The following ANK2 variants were observed in gnomAD, a reference collection of about 807,000 sequenced individuals.
ANK2 encodes ankyrin-2.
Under a neutral mutation model 360.5 loss-of-function variants are expected in ANK2, and 83 were observed. That is an observed-to-expected ratio of 0.23 (90% confidence interval 0.19 to 0.28). The LOEUF (loss-of-function observed/expected upper bound fraction) is 0.28, where lower values mean the gene tolerates loss of function less well. Ranked by LOEUF, ANK2 falls within the 10% of genes least tolerant of loss-of-function variation. ANK2 has a pLI of 1.00. For missense variants in ANK2, 4,201 were observed against 4,795.7 expected (o/e 0.88, Z 3.66); for synonymous variants, 1,740 against 1,759.5 (o/e 0.99, Z 0.28).
chr4:113,030,218 A>G (rs1379858095), intron 2 of ANK2, among the ~76,000 whole-genome samples: 2 of 152,092 alleles, frequency 1.3e-5, no homozygotes, highest in African/African-American at 2.4e-5. Flanking sequence ...ACCAAATAAT[A>G]TATTAGGGAA....
intron 1 of ANK2, among the ~76,000 whole-genome samples, chr4:112,857,601 G>C (rs955636825): frequency 3.3e-5 from 5 of 152,086 alleles, no homozygotes; most frequent in East Asian, 1.9e-4. Flanking sequence ...ATTCTACAAG[G>C]CTCTAGTCAG....
Position 113,354,151 on chromosome 4 carries a change from G to C in ANK2, c.5533G>C (p.Val1845Leu). Reference protein sequence around the residue: ...SSAKTERHPPVSPSSKTEKHS... With the variant: ...SSAKTERHPPLSPSSKTEKHS... The stretch of plus-strand genomic sequence containing the variant: ...CGCAAAAACTGAAAGGCACCCTCCA[G>C]TATCACCATCAAGTAAAACTGAGAA... Residue 1845 changes from valine (V) to leucine (L), a missense_variant, in exon 38 of 46, where the codon GTA becomes CTA. Val to Leu is a conservative substitution (Grantham distance 32). Coordinates refer to ENST00000357077, the MANE Select transcript of ANK2 (RefSeq NM_001148.6). 6.2e-7 allele frequency: 1 copy of C among 1,614,088 alleles called. No individual in the cohort carries two copies. Among genetic ancestry groups the C allele is most frequent in the Non-Finnish European group, 8.5e-7 (1 of 1,179,994 alleles).
intron 1 of ANK2, among the ~76,000 whole-genome samples, chr4:112,886,574 A>C (rs1219830782): frequency 6.6e-6 from 1 of 152,158 alleles, no homozygotes; most frequent in Non-Finnish European, 1.5e-5. Context: ...AGGCAGGAGA[A>C]TCGCTTGAAC....
At chr4:112,878,132 A>T (rs956068212) in intron 1 of ANK2, among the ~76,000 whole-genome samples, 8 of 139,104 alleles carry the variant, frequency 5.8e-5, no homozygotes, top group Non-Finnish European at 1.2e-4. Context: ...CTCTATCTCT[A>T]GCTTTTCCCC....
chr4:112,948,252 T>C (rs1033991432), intron 2 of ANK2, among the ~76,000 whole-genome samples: 11 of 152,152 alleles, frequency 7.2e-5, no homozygotes, highest in Admixed American at 6.5e-4. Context: ...GCCTTGCCTA[T>C]TTACAAAAAA....
intron 4 of ANK2, among the ~76,000 whole-genome samples, chr4:113,221,600 A>G (rs1234254737): frequency 6.6e-6 from 1 of 151,918 alleles, no homozygotes; most frequent in Non-Finnish European, 1.5e-5. Context: ...CGGAGGTTCC[A>G]GTGAGCCGAG....
chr4:113,117,906 G>A (rs1296896137), intron 1 of ANK2, among the ~76,000 whole-genome samples: 1 of 151,990 alleles, frequency 6.6e-6, no homozygotes, highest in African/African-American at 2.4e-5. Context: ...TTCCCTCCTG[G>A]AGGTTTACAC....
intron 1 of ANK2, among the ~76,000 whole-genome samples, chr4:113,078,813 C>G (rs1219891922): frequency 6.6e-6 from 1 of 152,168 alleles, no homozygotes; most frequent in Non-Finnish European, 1.5e-5. Context: ...CTTAGGAAAA[C>G]CAACTGCCAG....
chr4:112,838,542 C>T (rs1233012433), intron 1 of ANK2, among the ~76,000 whole-genome samples: 2 of 152,302 alleles, frequency 1.3e-5, no homozygotes, highest in East Asian at 3.9e-4. Context: ...CCTACCTCAT[C>T]CTTGGTTTCC....
intron 1 of ANK2, among the ~76,000 whole-genome samples, chr4:113,063,159 TTTGAGCCAA>T (rs201719547): frequency 0.014 from 2,058 of 152,176 alleles, 27 homozygotes; most frequent in Middle Eastern, 0.02. Flanking sequence ...AGTGTGTGTA[TTTGAGCCAA>T]ATATTCTCTT....
chr4:112,771,266 C>T, the ANK2 span, among the ~76,000 whole-genome samples: 1 of 152,146 alleles, frequency 6.6e-6, no homozygotes, highest in African/African-American at 2.4e-5. Flanking sequence ...GCATGCGCCA[C>T]CACGCTTGGC....
Position 113,165,069 on chromosome 4 carries a change from C to T in ANK2, c.85-9347C>T, listed in dbSNP as rs151172147. Among the ~76,000 whole-genome samples the T allele has an allele frequency of 9.5e-4, 144 of 152,140 alleles. 2 individuals are homozygous for T. In the East Asian group the frequency reaches 0.023, roughly 24 times the overall value. ...GGAAATTCCTTTGGATATTTGTGTA[C>T]AATATGTAAAAACTCTGTCAGCTTT... On this transcript the variant is annotated intron_variant, in intron 1 of 45. Transcript: ENST00000357077.
At chr4:112,707,715 A>G in the ANK2 span, among the ~76,000 whole-genome samples, 1 of 152,242 alleles carries the variant, frequency 6.6e-6, no homozygotes, top group Non-Finnish European at 1.5e-5. Context: ...ATTTATTAAT[A>G]AACAGAATAT....
At chr4:112,715,879 C>T in the ANK2 span, among the ~76,000 whole-genome samples, 4 of 152,080 alleles carry the variant, frequency 2.6e-5, no homozygotes, top group South Asian at 2.1e-4. Flanking sequence ...GCCGAGATTG[C>T]GCCACTGCAC....
At chr4:112,753,573 G>A in the ANK2 span, among the ~76,000 whole-genome samples, 1 of 152,088 alleles carries the variant, frequency 6.6e-6, no homozygotes, top group Non-Finnish European at 1.5e-5. Context: ...ATAGGATATT[G>A]GCACAAGATA....
At chr4:113,129,749 T>C (rs1208801927) in intron 1 of ANK2, among the ~76,000 whole-genome samples, 2 of 152,214 alleles carry the variant, frequency 1.3e-5, no homozygotes, top group Non-Finnish European at 2.9e-5. Flanking sequence ...TTGAGATATA[T>C]GATATTGGCA....
rs759670378 is a variant in ANK2 at position 113,333,083 on chromosome 4, C to G, written c.3254C>G (p.Ala1085Gly). Residue 1085 changes from alanine to glycine, a missense_variant, in exon 29 of 46, where the codon GCG (alanine) becomes GGG (glycine). Ala to Gly is a moderately conservative substitution (Grantham distance 60). This residue lies in a region of ANK2 where 1,268 missense variants were observed against 1,650.8 expected (regional missense o/e 0.77). Coordinates refer to ENST00000357077, the MANE Select transcript of ANK2 (RefSeq NM_001148.6). The stretch of plus-strand genomic sequence containing the variant: ...GTGATCGTGGAGATCCCTCACTTTG[C>G]GGCCCTTCGAGGAAAGGAAAGGGAA... The part of the protein sequence containing the change: ...GPVIVEIPHF[A>G]ALRGKERELV... The G allele has an allele frequency of 3.1e-6, 5 of 1,614,168 alleles. No homozygotes were observed. The South Asian group carries it at 5.5e-5, about 18-fold the overall frequency.
intron 2 of ANK2, among the ~76,000 whole-genome samples, chr4:112,907,754 A>G (rs2085741716): frequency 6.6e-6 from 1 of 152,206 alleles, no homozygotes. Flanking sequence ...TAGTGATAGT[A>G]TATACTAATT....
upstream of ANK2, chr4:113,049,606 TGC>T: frequency 6.6e-7 from 1 of 1,504,236 alleles, no homozygotes; most frequent in Non-Finnish European, 8.9e-7. Context: ...ACCCTCCCAG[TGC>T]GCGCCCCTTC....
Sources: allele counts gnomAD v4.1 joint callset (sites outside exome capture counted in the v4.1 genomes callset), GRCh38; gene constraint gnomAD v4.1.1; regional missense constraint gnomAD v4.1.1; transcripts MANE v1.5; gene names NCBI Gene and HGNC (gene_info 2026-07-23, HGNC 2026-07-21).